LHFPL6: variants seen among roughly 807,000 people sequenced by gnomAD.
LHFPL6 encodes LHFPL tetraspan subfamily member 6.
In LHFPL6, 9 loss-of-function variants were observed where a neutral mutation model predicts 20.6. The ratio of observed to expected loss-of-function variants is 0.44; its 90% CI spans 0.26 to 0.76. The LOEUF (loss-of-function observed/expected upper bound fraction) is 0.76, where lower values mean the gene tolerates loss of function less well. Ranked by LOEUF, LHFPL6 falls within the 30% of genes least tolerant of loss-of-function variation. LHFPL6 has a pLI of 0.20. For synonymous variants in LHFPL6, 105 were observed against 98.7 expected (o/e 1.06, Z -0.38); for missense variants, 218 against 253.5 (o/e 0.86, Z 0.95).
intron 2 of LHFPL6, among the ~76,000 whole-genome samples, chr13:39,595,585 G>A (rs904197498): frequency 7.2e-5 from 11 of 152,160 alleles, no homozygotes; most frequent in Non-Finnish European, 1.5e-4. Context: ...GAGCCACCGC[G>A]CCCAGCATGC....
intron 2 of LHFPL6, among the ~76,000 whole-genome samples, chr13:39,466,869 G>C (rs1872817298): frequency 6.6e-6 from 1 of 152,084 alleles, no homozygotes; most frequent in Admixed American, 6.5e-5. Flanking sequence ...AGTAACTTCA[G>C]GTAAGTATAT....
chr13:39,462,408 T>C (rs1872709527), intron 2 of LHFPL6, among the ~76,000 whole-genome samples: 1 of 152,230 alleles, frequency 6.6e-6, no homozygotes, highest in Non-Finnish European at 1.5e-5. Context: ...TGTTACTGTA[T>C]CTCACACACC....
At chr13:39,572,183 C>T (rs149177956) in intron 2 of LHFPL6, among the ~76,000 whole-genome samples, 3 of 152,078 alleles carry the variant, frequency 2.0e-5, no homozygotes, top group African/African-American at 7.2e-5. Context: ...AATAAAGACA[C>T]CTAATATTGC....
intron 3 of LHFPL6, among the ~76,000 whole-genome samples, chr13:39,352,562 T>C (rs375833831): frequency 6.6e-5 from 10 of 152,078 alleles, no homozygotes; most frequent in East Asian, 5.8e-4. Flanking sequence ...GGGATCCCCA[T>C]TTCTCTTTCC....
chr13:39,356,705 T>C (rs549450676), intron 3 of LHFPL6, among the ~76,000 whole-genome samples: 26 of 152,270 alleles, frequency 1.7e-4, no homozygotes, highest in African/African-American at 6.3e-4. Context: ...CCCACAGAAA[T>C]ACGAAAGACT....
chr13:39,437,898 T>A (rs1872007507), intron 2 of LHFPL6, among the ~76,000 whole-genome samples: 1 of 63,398 alleles, frequency 1.6e-5, no homozygotes, highest in African/African-American at 4.0e-5. Flanking sequence ...CGAGACTCCG[T>A]CTCAAAAAAA....
chr13:39,525,142 C>T (rs1049253151), intron 2 of LHFPL6, among the ~76,000 whole-genome samples: 1 of 152,174 alleles, frequency 6.6e-6, no homozygotes, highest in Admixed American at 6.5e-5. Context: ...ACACACAGTC[C>T]ACGGGCAGAA....
rs749886626 is a variant in LHFPL6, at chr13:39,344,020, C to T, written c.519G>A (p.Thr173=). ...GCATGGCGGCAGTGGCACCTGCTCC[C>T]GTGCAGTAGTAGGCCCAGCCGATTT... ...KCEIGWAYYC[T]GAGATAAMLL... The change falls in exon 4 of 4, where the codon ACG becomes ACA. Residue 173 remains threonine (T), a synonymous_variant. Transcript: ENST00000379589. 11 of 1,613,688 alleles carry T rather than the reference C, an allele frequency of 6.8e-6. No individual in the cohort carries two copies. The highest frequency in any genetic ancestry group is 4.5e-5 in the East Asian group (2 of 44,858).
intron 2 of LHFPL6, among the ~76,000 whole-genome samples, chr13:39,552,759 G>GA (rs369711412): frequency 6.6e-5 from 10 of 152,360 alleles, no homozygotes; most frequent in African/African-American, 2.4e-4. Flanking sequence ...TGAAGCTTCT[G>GA]AAGTGAAGGT....
chr13:39,578,419 T>C (rs927085566), intron 2 of LHFPL6, among the ~76,000 whole-genome samples: 1 of 152,202 alleles, frequency 6.6e-6, no homozygotes, highest in African/African-American at 2.4e-5. Flanking sequence ...TGACCAGAGA[T>C]ATATACATTT....
intron 3 of LHFPL6, among the ~76,000 whole-genome samples, chr13:39,354,800 A>G (rs919221568): frequency 1.3e-5 from 2 of 152,142 alleles, no homozygotes; most frequent in Non-Finnish European, 2.9e-5. Context: ...AGCTGAGGAA[A>G]GAATCTCAGA....
At chr13:39,592,933 T>C (rs948260343) in intron 2 of LHFPL6, among the ~76,000 whole-genome samples, 2 of 152,188 alleles carry the variant, frequency 1.3e-5, no homozygotes, top group Non-Finnish European at 2.9e-5. Flanking sequence ...CCCTTCATGC[T>C]AAAAACTCTC....
chr13:39,383,292 C>A (rs1870487938), intron 2 of LHFPL6, among the ~76,000 whole-genome samples: 1 of 152,150 alleles, frequency 6.6e-6, no homozygotes, highest in Admixed American at 6.5e-5. Context: ...TCAGATCAGG[C>A]CACAATATTT....
chr13:39,396,326 T>C (rs1870841190), intron 2 of LHFPL6, among the ~76,000 whole-genome samples: 1 of 152,142 alleles, frequency 6.6e-6, no homozygotes, highest in Non-Finnish European at 1.5e-5. Context: ...AACCTGGTGT[T>C]ATTGGCTAAA....
intron 3 of LHFPL6, among the ~76,000 whole-genome samples, chr13:39,364,917 G>C (rs1268234150): frequency 6.6e-6 from 1 of 152,174 alleles, no homozygotes; most frequent in African/African-American, 2.4e-5. Flanking sequence ...TTTCCTTAGA[G>C]ATGATGTACT....
intron 2 of LHFPL6, among the ~76,000 whole-genome samples, chr13:39,524,902 G>T (rs1216909391): frequency 6.6e-6 from 1 of 152,192 alleles, no homozygotes; most frequent in African/African-American, 2.4e-5. Context: ...GGGGTATAGG[G>T]ATGATGAGAA....
chr13:39,574,253 C>A (rs867173386), intron 2 of LHFPL6, among the ~76,000 whole-genome samples: 4 of 151,920 alleles, frequency 2.6e-5, no homozygotes, highest in Non-Finnish European at 4.4e-5. Flanking sequence ...GAGGCCGAGG[C>A]GGGCGGATCA....
chr13:39,432,035 C>T (rs1404320826), intron 2 of LHFPL6, among the ~76,000 whole-genome samples: 2 of 152,060 alleles, frequency 1.3e-5, no homozygotes, highest in Non-Finnish European at 2.9e-5. Context: ...AGATTAGTGC[C>T]TTATAAAAGG....
At chr13:39,436,532 T>G (rs2138409994) in intron 2 of LHFPL6, among the ~76,000 whole-genome samples, 1 of 152,322 alleles carries the variant, frequency 6.6e-6, no homozygotes, top group South Asian at 2.1e-4. Flanking sequence ...CTGATGGCAA[T>G]TCTTGAGATA....
Sources: gnomAD v4.1 joint callset for allele counts (sites outside exome capture counted in the v4.1 genomes callset) on GRCh38, gnomAD v4.1.1 for gene constraint, MANE v1.5 for transcripts, NCBI Gene and HGNC (gene_info 2026-07-23, HGNC 2026-07-21) for gene names.